FOCAD: variants seen among roughly 807,000 people sequenced by gnomAD.
FOCAD encodes the protein focadhesin.
A neutral mutation model predicts 225.6 loss-of-function variants in FOCAD; 198 were observed. The ratio of observed to expected loss-of-function variants is 0.88; its 90% CI spans 0.78 to 0.99. FOCAD has a LOEUF of 0.99. FOCAD is among the 50% of genes least tolerant of loss of function. The pLI, the probability that FOCAD is intolerant of heterozygous loss-of-function variation, is 0.00. For synonymous variants in FOCAD, 897 were observed against 755.0 expected (o/e 1.19, Z -3.08); for missense variants, 2,713 against 2,123.6 (o/e 1.28, Z -5.46).
chr9:20,716,749 T>C (rs1369623401), intron 2 of FOCAD, among the ~76,000 whole-genome samples: 2 of 152,204 alleles, frequency 1.3e-5, no homozygotes, highest in Non-Finnish European at 2.9e-5. Flanking sequence ...ATCTTTGAAA[T>C]TGGATTGCCT....
intron 35 of FOCAD, chr9:20,957,652 A>ATAGG (rs1433316767): frequency 7.8e-6 from 1 of 127,422 alleles, no homozygotes; most frequent in African/African-American, 3.0e-5. Flanking sequence ...AGATAGATAG[A>ATAGG]TAGCATAGAT....
intron 8 of FOCAD, among the ~76,000 whole-genome samples, chr9:20,776,810 A>T (rs888126435): frequency 5.3e-5 from 8 of 152,186 alleles, no homozygotes; most frequent in African/African-American, 1.9e-4. Context: ...TTTGGAATCT[A>T]GTAAATCTGA....
chr9:20,663,488 C>T (rs926401445), intron 2 of FOCAD, among the ~76,000 whole-genome samples: 1 of 151,590 alleles, frequency 6.6e-6, no homozygotes, highest in Non-Finnish European at 1.5e-5. Context: ...CACACACACA[C>T]ACACACACAC....
chr9:20,891,218 C>G (rs1423160969), intron 21 of FOCAD, among the ~76,000 whole-genome samples: 1 of 152,108 alleles, frequency 6.6e-6, no homozygotes, highest in Non-Finnish European at 1.5e-5. Flanking sequence ...AGATGTCCCC[C>G]CAATTGGGCC....
In FOCAD at chr9:20,720,373, G is replaced by T. The variant is rs1825677427; in HGVS notation, c.133-7G>T. Reference sequence around the variant, plus strand: ...GAATTGTCTTCTAATCACTGGTTTGGTTTCAGACTCCTGCTTTGAACTTGC... The same window carrying T: ...GAATTGTCTTCTAATCACTGGTTTGTTTTCAGACTCCTGCTTTGAACTTGC... On this transcript the variant is annotated splice_polypyrimidine_tract_variant and splice_region_variant and intron_variant, in intron 3 of 43. Transcript: ENST00000338382. 1 of 1,613,554 alleles carries T rather than the reference G, an allele frequency of 6.2e-7. No individual in the cohort carries two copies. The highest frequency in any genetic ancestry group is 1.1e-5 in the South Asian group (1 of 91,022).
chr9:20,715,500 T>C, intron 2 of FOCAD, 90 bp downstream of exon 2: 1 of 536,202 alleles, frequency 1.9e-6, no homozygotes, highest in Non-Finnish European at 2.8e-6. Flanking sequence ...ATATTAAATA[T>C]TTTATTCTAC....
intron 4 of FOCAD, among the ~76,000 whole-genome samples, chr9:20,724,135 C>T (rs1826012245): frequency 6.6e-6 from 1 of 152,214 alleles, no homozygotes; most frequent in African/African-American, 2.4e-5. Flanking sequence ...TCATCTCCAA[C>T]ATTTAGAATC....
At chr9:20,910,009 C>G (rs188771077) in intron 22 of FOCAD, among the ~76,000 whole-genome samples, 6 of 152,148 alleles carry the variant, frequency 3.9e-5, no homozygotes, top group African/African-American at 1.2e-4. Flanking sequence ...CCATTACTTC[C>G]TGGAGGCTAA....
intron 4 of FOCAD, among the ~76,000 whole-genome samples, chr9:20,739,551 C>T (rs961572443): frequency 1.3e-5 from 2 of 150,926 alleles, no homozygotes; most frequent in Admixed American, 6.6e-5. Context: ...TGCAGTGAGC[C>T]GAGATCGTGC....
At chr9:20,760,517 C>G (rs921811011) in intron 6 of FOCAD, among the ~76,000 whole-genome samples, 1 of 152,038 alleles carries the variant, frequency 6.6e-6, no homozygotes, top group African/African-American at 2.4e-5. Flanking sequence ...GTGCTGTTTC[C>G]TTCTCTCCAT....
chr9:20,912,034 C>G (rs1172403200), intron 22 of FOCAD, among the ~76,000 whole-genome samples: 1 of 152,058 alleles, frequency 6.6e-6, no homozygotes, highest in Non-Finnish European at 1.5e-5. Context: ...CCTGACAATT[C>G]CGAATGCTGG....
At chr9:20,969,212 C>T (rs1338015525) in intron 35 of FOCAD, among the ~76,000 whole-genome samples, 4 of 151,996 alleles carry the variant, frequency 2.6e-5, no homozygotes, top group East Asian at 1.9e-4. Flanking sequence ...GAGAATGTTC[C>T]GTGTGCTCTT....
chr9:20,699,754 A>T (rs1587256911), intron 1 of FOCAD, among the ~76,000 whole-genome samples: 19 of 56,074 alleles, frequency 3.4e-4, no homozygotes, highest in Middle Eastern at 0.011. Context: ...AAAAAAAAAA[A>T]AAAAAAAAAA....
rs535856147 is a variant in FOCAD at position 20,893,948 on chromosome 9, T to A, written c.2625+8718T>A. On this transcript the variant is annotated intron_variant, in intron 21 of 43. Coordinates refer to ENST00000338382, the MANE Select transcript of FOCAD (RefSeq NM_001375567.1). ...CATTCTATGGGTTTGAACAAATGCA[T>A]AGTGGCATGCATATAATCATATAAT... Among the ~76,000 whole-genome samples, 17 of 152,286 alleles carry A rather than the reference T, an allele frequency of 1.1e-4. 1 individual carries two copies. The South Asian group carries it at 3.5e-3, about 32-fold the overall frequency.
chr9:20,785,968 T>G (rs1819883443), intron 10 of FOCAD, among the ~76,000 whole-genome samples: 1 of 152,174 alleles, frequency 6.6e-6, no homozygotes, highest in Admixed American at 6.5e-5. Context: ...TGAAGTGGTA[T>G]TTCATTGTGG....
chr9:20,815,089 T>A (rs1021319944), intron 11 of FOCAD, among the ~76,000 whole-genome samples: 61 of 150,426 alleles, frequency 4.1e-4, no homozygotes, highest in Non-Finnish European at 8.6e-4. Flanking sequence ...CTCTCTCAGC[T>A]TTTGTTTATC....
chr9:20,819,687 A>G (rs1210810200), intron 11 of FOCAD, 109 bp from the exon 12 acceptor site: 3 of 506,712 alleles, frequency 5.9e-6, no homozygotes, highest in African/African-American at 2.0e-5. Context: ...AAGTCTTCCA[A>G]TTCATTCATA....
At chr9:20,938,375 A>G (rs893200587) in intron 28 of FOCAD, among the ~76,000 whole-genome samples, 133 of 152,196 alleles carry the variant, frequency 8.7e-4, no homozygotes, top group Admixed American at 2.5e-3. Flanking sequence ...TGTGGCACAT[A>G]TACACCATGG....
chr9:20,801,987 G>C (rs1240007838), intron 11 of FOCAD, among the ~76,000 whole-genome samples: 3 of 152,200 alleles, frequency 2.0e-5, no homozygotes, highest in East Asian at 3.9e-4. Flanking sequence ...AGCTTTTCAC[G>C]ATAGTTGTTA....
Sources: gnomAD v4.1 joint callset for allele counts (sites outside exome capture counted in the v4.1 genomes callset) on GRCh38, gnomAD v4.1.1 for gene constraint, MANE v1.5 for transcripts, NCBI Gene and HGNC (gene_info 2026-07-23, HGNC 2026-07-21) for gene names.